TMSB15B: variants seen among roughly 807,000 people sequenced by gnomAD.
TMSB15B encodes the protein thymosin beta 15B, also known as thymosin beta-15B.
At chrX:103,947,011 T>C (rs781838723) in intron 1 of TMSB15B, among the ~76,000 whole-genome samples, 3 of 110,486 alleles carry the variant, frequency 2.7e-5, no homozygotes, top group Non-Finnish European at 5.7e-5. Context: ...GCATTCCCTA[T>C]GACCAGCAAC....
intron 1 of TMSB15B, chrX:103,928,210 C>A (rs1178664712): frequency 6.4e-5 from 76 of 1,194,260 alleles, no homozygotes; most frequent in Non-Finnish European, 7.8e-5. Context: ...CTGTTTCCAA[C>A]TCTATGTCTA....
chrX:103,940,334 T>G (rs2075009375), intron 1 of TMSB15B, among the ~76,000 whole-genome samples: 1 of 112,288 alleles, frequency 8.9e-6, no homozygotes. Flanking sequence ...GCTGCTGCCT[T>G]TCTTTCAGAG....
intron 1 of TMSB15B, among the ~76,000 whole-genome samples, chrX:103,949,932 G>A (rs2075034851): frequency 8.9e-6 from 1 of 111,841 alleles, no homozygotes; most frequent in Non-Finnish European, 1.9e-5. Flanking sequence ...AGAAGAAGCA[G>A]TCAGTGAGAT....
intron 1 of TMSB15B, among the ~76,000 whole-genome samples, chrX:103,949,102 A>G (rs782153179): frequency 1.7e-3 from 190 of 110,864 alleles, no homozygotes; most frequent in Non-Finnish European, 2.8e-3. Context: ...AGACATTGCT[A>G]TGGTCCTATG....
rs1418722046 is a variant in TMSB15B at position 103,920,986 on chromosome X, G to C, written c.-721+1694G>C. Among the ~76,000 whole-genome samples the C allele has an allele frequency of 3.6e-5, 4 of 112,314 alleles. No individual in the cohort carries two copies. The East Asian group carries it at 1.1e-3, about 31-fold the overall frequency. ...TGTATAGTGTGGCTAGGAGGCTCCTGTGGGGCCTGTTCTTGACTCCTGATG... is the reference window on the plus strand; with the variant it reads ...TGTATAGTGTGGCTAGGAGGCTCCTCTGGGGCCTGTTCTTGACTCCTGATG... On this transcript the variant is annotated intron_variant, in intron 1 of 3. Transcript: ENST00000419165.
At chrX:103,919,994 A>T (rs1419869880) in intron 1 of TMSB15B, among the ~76,000 whole-genome samples, 1 of 111,951 alleles carries the variant, frequency 8.9e-6, no homozygotes, top group African/African-American at 3.3e-5. Context: ...GAGAGGGCTG[A>T]GGGAAGATGA....
chrX:103,944,588 AGAAGGCT>A (rs2075020483), intron 1 of TMSB15B, among the ~76,000 whole-genome samples: 1 of 111,418 alleles, frequency 9.0e-6, no homozygotes, highest in Non-Finnish European at 1.9e-5. Context: ...ACAATATTGT[AGAAGGCT>A]CTGAATGCCA....
intron 1 of TMSB15B, chrX:103,932,261 C>T (rs1488575629): frequency 9.8e-5 from 11 of 111,706 alleles, no homozygotes; most frequent in Admixed American, 1.9e-4. Flanking sequence ...TGGGAACAGT[C>T]TTGTGAGACC....
Position 103,952,106 on chromosome X carries a change from G to A in TMSB15B, c.-720-9915G>A, listed in dbSNP as rs1455261762. 7.2e-5 allele frequency among the ~76,000 whole-genome samples: 8 copies of A among 111,352 alleles called. 1 individual carries two copies. Among genetic ancestry groups the A allele is most frequent in the Non-Finnish European group, 1.5e-4 (8 of 52,998 alleles). On this transcript the variant is annotated intron_variant, in intron 1 of 3. Transcript: ENST00000419165. The stretch of plus-strand genomic sequence containing the variant: ...TTGTTTTGAGATGGGGGTTTTGCTA[G>A]GTTGCCCAGGCTGACTCAAACTCCT...
intron 1 of TMSB15B, among the ~76,000 whole-genome samples, chrX:103,921,171 C>A (rs145346777): frequency 0.02 from 2,197 of 111,857 alleles, 64 homozygotes; most frequent in African/African-American, 0.068. Flanking sequence ...GAAGCACTTT[C>A]CATCTCAGGA....
At chrX:103,921,159 A>G (rs190202143) in intron 1 of TMSB15B, among the ~76,000 whole-genome samples, 53 of 111,933 alleles carry the variant, frequency 4.7e-4, no homozygotes, top group African/African-American at 1.6e-3. Context: ...AGATTTGGAG[A>G]TGAAGCACTT....
intron 1 of TMSB15B, chrX:103,919,392 A>T (rs1380257764): frequency 8.9e-6 from 1 of 112,212 alleles, no homozygotes; most frequent in Admixed American, 9.4e-5. Context: ...ACGAGGTGGG[A>T]CAGAAACCAA....
At chrX:103,943,862 G>A (rs1321830063) in intron 1 of TMSB15B, among the ~76,000 whole-genome samples, 1 of 111,719 alleles carries the variant, frequency 9.0e-6, no homozygotes, top group Non-Finnish European at 1.9e-5. Flanking sequence ...CTCTATGCAG[G>A]CTTCTTGGAC....
chrX:103,954,744 T>C (rs2075047207), intron 1 of TMSB15B, among the ~76,000 whole-genome samples: 1 of 110,649 alleles, frequency 9.0e-6, no homozygotes, highest in Non-Finnish European at 1.9e-5. Flanking sequence ...GGCACCCAGA[T>C]CTGAGCCAGC....
At chrX:103,939,388 CTTCAT>C (rs1411208487) in intron 1 of TMSB15B, among the ~76,000 whole-genome samples, 1 of 109,422 alleles carries the variant, frequency 9.1e-6, no homozygotes, top group Non-Finnish European at 1.9e-5. Context: ...CATCTTCATG[CTTCAT>C]TTCATTAAGC....
intron 1 of TMSB15B, among the ~76,000 whole-genome samples, chrX:103,949,270 T>C: frequency 8.9e-6 from 1 of 111,859 alleles, no homozygotes; most frequent in East Asian, 2.8e-4. Flanking sequence ...TACGGTGTCT[T>C]TGCAGGATTT....
At chrX:103,942,775 T>C (rs1320320585) in intron 1 of TMSB15B, among the ~76,000 whole-genome samples, 1 of 111,792 alleles carries the variant, frequency 8.9e-6, no homozygotes, top group Non-Finnish European at 1.9e-5. Flanking sequence ...CAACATATCT[T>C]TTTTTGGGAT....
chrX:103,928,196 G>A, intron 1 of TMSB15B: 2 of 1,186,338 alleles, frequency 1.7e-6, no homozygotes, highest in Admixed American at 2.2e-5. Context: ...CTATGCCCTT[G>A]GGGCTGTTTC....
chrX:103,928,907 G>A (rs781980155), intron 1 of TMSB15B: 120 of 1,203,250 alleles, frequency 1.0e-4, no homozygotes, highest in Non-Finnish European at 1.2e-4. Context: ...CTGATCTACC[G>A]TGGAGGCTCC....
Sources: allele counts gnomAD v4.1 joint callset (sites outside exome capture counted in the v4.1 genomes callset), GRCh38; gene constraint gnomAD v4.1.1; transcripts MANE v1.5; gene names NCBI Gene and HGNC (gene_info 2026-07-23, HGNC 2026-07-21).